SLC39A8: variants seen among roughly 807,000 people sequenced by gnomAD.
The protein encoded by SLC39A8 is metal cation symporter ZIP8.
SLC39A8 carries 15 observed loss-of-function variants against 40.4 expected under a neutral mutation model. The ratio of observed to expected loss-of-function variants is 0.37; its 90% CI spans 0.25 to 0.57. The LOEUF (loss-of-function observed/expected upper bound fraction) is 0.57. SLC39A8 is among the 20% of genes least tolerant of loss of function. SLC39A8 has a pLI of 0.75. For missense variants in SLC39A8, 472 were observed against 558.8 expected (o/e 0.84, Z 1.57); for synonymous variants, 223 against 221.6 (o/e 1.01, Z -0.06).
At chr4:102,258,112 T>TG (rs998425824), downstream of SLC39A8, among the ~76,000 whole-genome samples, 5 of 144,142 alleles carry the variant, frequency 3.5e-5, no homozygotes, top group African/African-American at 1.3e-4. Context: ...TTGTTTTTTG[T>TG]TTTTTTTTTT....
At chr4:102,323,251 C>A (rs1050596895) in intron 2 of SLC39A8, among the ~76,000 whole-genome samples, 5 of 152,218 alleles carry the variant, frequency 3.3e-5, no homozygotes, top group African/African-American at 1.2e-4. Context: ...GTTGCTCACA[C>A]CTTCTCTGAG....
At chr4:102,314,495 C>T (rs1378506824) in intron 3 of SLC39A8, among the ~76,000 whole-genome samples, 1 of 152,130 alleles carries the variant, frequency 6.6e-6, no homozygotes, top group African/African-American at 2.4e-5. Flanking sequence ...AAGGCTTCCT[C>T]ACCTGGTCTC....
chr4:102,334,359 G>C (rs920624571), intron 2 of SLC39A8, among the ~76,000 whole-genome samples: 2 of 152,184 alleles, frequency 1.3e-5, no homozygotes, highest in African/African-American at 4.8e-5. Flanking sequence ...TCGTATCTCA[G>C]TTTCTGGGGG....
intron 6 of SLC39A8, among the ~76,000 whole-genome samples, chr4:102,275,335 G>A (rs1228876627): frequency 1.3e-5 from 2 of 150,156 alleles, no homozygotes; most frequent in Non-Finnish European, 2.9e-5. Flanking sequence ...TGCAATCCTA[G>A]TCTCTGATAA....
At chr4:102,300,302 C>T (rs72692236) in intron 6 of SLC39A8, among the ~76,000 whole-genome samples, 1,981 of 152,078 alleles carry the variant, frequency 0.013, 18 homozygotes, top group Non-Finnish European at 0.019. Flanking sequence ...GATAAATATG[C>T]TTCCATGAAA....
At chr4:102,257,170 T>C (rs76766486), downstream of SLC39A8, among the ~76,000 whole-genome samples, 1 of 151,760 alleles carries the variant, frequency 6.6e-6, no homozygotes, top group Non-Finnish European at 1.5e-5. Flanking sequence ...TTTTTTTTTT[T>C]CCAAGATGGA....
chr4:102,287,994 C>T (rs1486064128), intron 6 of SLC39A8, among the ~76,000 whole-genome samples: 1 of 152,092 alleles, frequency 6.6e-6, no homozygotes, highest in African/African-American at 2.4e-5. Context: ...CCACCAACTA[C>T]CACCATTATT....
chr4:102,268,830 GGA>G (rs1732224200), intron 6 of SLC39A8, among the ~76,000 whole-genome samples: 1 of 152,112 alleles, frequency 6.6e-6, no homozygotes, highest in Admixed American at 6.5e-5. Flanking sequence ...ACTCTTTGTA[GGA>G]ATTTAGATTT....
At chr4:102,335,190 A>T (rs1276177365) in intron 2 of SLC39A8, among the ~76,000 whole-genome samples, 6 of 152,162 alleles carry the variant, frequency 3.9e-5, no homozygotes, top group Admixed American at 3.3e-4. Context: ...TTAACATTCA[A>T]ACTCTATTAC....
chr4:102,260,318 A>G (rs1731812169), downstream of SLC39A8, among the ~76,000 whole-genome samples: 1 of 152,214 alleles, frequency 6.6e-6, no homozygotes, highest in African/African-American at 2.4e-5. Flanking sequence ...CTGGTAATGT[A>G]TCCAGCTAAA....
chr4:102,297,761 A>T (rs1047075521), intron 6 of SLC39A8, among the ~76,000 whole-genome samples: 2 of 151,982 alleles, frequency 1.3e-5, no homozygotes, highest in African/African-American at 4.8e-5. Flanking sequence ...TACACAAAAA[A>T]AATTTAGTTA....
chr4:102,325,177 C>T (rs1735142718), intron 2 of SLC39A8, among the ~76,000 whole-genome samples: 1 of 152,054 alleles, frequency 6.6e-6, no homozygotes, highest in East Asian at 1.9e-4. Context: ...TCAAAGTTTA[C>T]TCATTATTAT....
chr4:102,260,072 G>A (rs554363582), downstream of SLC39A8, among the ~76,000 whole-genome samples: 1 of 152,258 alleles, frequency 6.6e-6, no homozygotes, highest in East Asian at 1.9e-4. Context: ...GAAAAATACT[G>A]GTTATTAGGA....
intron 2 of SLC39A8, among the ~76,000 whole-genome samples, chr4:102,336,586 G>A (rs1735682890): frequency 1.3e-5 from 2 of 152,124 alleles, no homozygotes; most frequent in Admixed American, 1.3e-4. Context: ...TAAATATTTG[G>A]CCTTGGAGGG....
At chr4:102,304,621 T>C (rs1734070812) in intron 5 of SLC39A8, 140 bp from the exon 6 acceptor site, 8 of 668,266 alleles carry the variant, frequency 1.2e-5, no homozygotes, top group African/African-American at 1.8e-5. Flanking sequence ...TTTTTAGATA[T>C]ATAAAATTTC....
At chr4:102,281,497 T>C (rs188868293) in intron 6 of SLC39A8, among the ~76,000 whole-genome samples, 31 of 152,294 alleles carry the variant, frequency 2.0e-4, no homozygotes, top group Middle Eastern at 3.4e-3. Context: ...GACTGCTTTC[T>C]GTGGCAGAGA....
In SLC39A8 at chr4:102,310,455, C is replaced by T. The variant is rs1368571932; in HGVS notation, c.383-2850G>A. On this transcript the variant is annotated intron_variant, in intron 3 of 8. Coordinates refer to ENST00000356736, the MANE Select transcript of SLC39A8 (RefSeq NM_001135146.2). ...CTAGAAAATTGTCCACGAAAAAGCA[C>T]ACATTCCTTGCTGAATGAATTGATA... Among the ~76,000 whole-genome samples the T allele has an allele frequency of 4.6e-5, 7 of 152,166 alleles. No individual in the cohort carries two copies. In the South Asian group the frequency reaches 1.0e-3, roughly 22 times the overall value.
downstream of SLC39A8, chr4:102,259,539 G>A: frequency 6.8e-7 from 1 of 1,479,684 alleles, no homozygotes; most frequent in Non-Finnish European, 9.2e-7. Context: ...TAACAAACTG[G>A]TATTATGGGG....
At chr4:102,259,419 A>G, downstream of SLC39A8, 1 of 1,391,044 alleles carries the variant, frequency 7.2e-7, no homozygotes, top group South Asian at 1.3e-5. Context: ...AAAACATGCA[A>G]GCCCACCCAT....
Sources: allele counts gnomAD v4.1 joint callset (sites outside exome capture counted in the v4.1 genomes callset), GRCh38; gene constraint gnomAD v4.1.1; transcripts MANE v1.5; gene names NCBI Gene and HGNC (gene_info 2026-07-23, HGNC 2026-07-21).